The following MYO3A variants were observed in gnomAD, a reference collection of about 807,000 sequenced individuals.
The protein encoded by MYO3A is myosin-IIIa.
MYO3A carries 180 observed loss-of-function variants against 192.7 expected under a neutral mutation model. The ratio of observed to expected loss-of-function variants is 0.93; its 90% CI spans 0.83 to 1.06. The LOEUF (loss-of-function observed/expected upper bound fraction) is 1.06. MYO3A is among the 50% of genes least tolerant of loss of function. The pLI is 0.00. For synonymous variants in MYO3A, 628 were observed against 645.3 expected (o/e 0.97, Z 0.41); for missense variants, 1,896 against 1,905.0 (o/e 1.00, Z 0.09).
chr10:26,052,902 T>C (rs975814500), intron 10 of MYO3A, among the ~76,000 whole-genome samples: 3 of 152,134 alleles, frequency 2.0e-5, no homozygotes, highest in Non-Finnish European at 4.4e-5. Flanking sequence ...ATTTGTGACC[T>C]TTGACAACAC....
At chr10:26,065,159 C>T (rs543265277) in intron 10 of MYO3A, among the ~76,000 whole-genome samples, 1 of 152,138 alleles carries the variant, frequency 6.6e-6, no homozygotes, top group Non-Finnish European at 1.5e-5. Context: ...TCAAGAACGC[C>T]TTTGTTAAAT....
Position 26,176,811 on chromosome 10 carries a change from T to C in MYO3A, c.4404T>C (p.Ile1468=), listed in dbSNP as rs1842359912. Residue 1468 remains isoleucine, a synonymous_variant, in exon 31 of 35, where the codon ATT becomes ATC. Transcript: ENST00000642920. ...LYLGVSHHKP[I]NRRVSSQQCL... ...TGGGTGTCTCGCACCATAAGCCAAT[T>C]AATAGACGAGTTTCTTCTCAGCAGT... is the stretch of plus-strand genomic sequence containing the variant. The C allele has an allele frequency of 6.2e-7, 1 of 1,614,020 alleles. No individual in the cohort carries two copies. The highest frequency in any genetic ancestry group is 1.7e-5 in the Admixed American group (1 of 60,002).
chr10:26,125,337 T>A, intron 18 of MYO3A, 61 bp from the exon 19 acceptor site: 1 of 1,483,272 alleles, frequency 6.7e-7, no homozygotes, highest in African/African-American at 1.4e-5. Flanking sequence ...GACATTTTCA[T>A]TTTTGGGGAG....
intron 21 of MYO3A, among the ~76,000 whole-genome samples, chr10:26,144,422 ATTGGCT>A (rs1374677489): frequency 6.6e-6 from 1 of 151,416 alleles, no homozygotes; most frequent in African/African-American, 2.4e-5. Context: ...TGACTCACTG[ATTGGCT>A]TAATTTCTCC....
At chr10:26,151,970 C>T (rs1259570415) in intron 23 of MYO3A, among the ~76,000 whole-genome samples, 1 of 152,158 alleles carries the variant, frequency 6.6e-6, no homozygotes, top group Non-Finnish European at 1.5e-5. Flanking sequence ...CTTTATCTGA[C>T]CCAGAAGCAA....
chr10:26,075,726 GAT>G (rs1043259405), intron 14 of MYO3A, among the ~76,000 whole-genome samples: 6 of 128,764 alleles, frequency 4.7e-5, no homozygotes, highest in African/African-American at 1.8e-4. Flanking sequence ...ATATATATAT[GAT>G]ATATATGTCT....
At chr10:26,156,860 A>G (rs1841162661) in intron 25 of MYO3A, among the ~76,000 whole-genome samples, 4 of 152,312 alleles carry the variant, frequency 2.6e-5, no homozygotes, top group Admixed American at 1.3e-4. Context: ...CCACCCTCCA[A>G]TAAGCTCCAG....
chr10:25,972,906 G>T (rs1162456474), intron 4 of MYO3A, among the ~76,000 whole-genome samples: 1 of 152,128 alleles, frequency 6.6e-6, no homozygotes, highest in African/African-American at 2.4e-5. Context: ...CAATTAAGTT[G>T]CAGACTCCTT....
intron 10 of MYO3A, among the ~76,000 whole-genome samples, chr10:26,048,359 T>C (rs1308391358): frequency 6.6e-6 from 1 of 152,142 alleles, no homozygotes; most frequent in Non-Finnish European, 1.5e-5. Context: ...CAGCTTGTTT[T>C]TTTTTTTTAA....
intron 26 of MYO3A, among the ~76,000 whole-genome samples, chr10:26,158,404 C>T (rs540156678): frequency 1.3e-5 from 2 of 152,022 alleles, no homozygotes; most frequent in East Asian, 3.9e-4. Context: ...AGGTGCCCAC[C>T]ACCATGCCCA....
chr10:26,035,975 C>A (rs1457398336), intron 10 of MYO3A, among the ~76,000 whole-genome samples: 2 of 152,000 alleles, frequency 1.3e-5, no homozygotes, highest in African/African-American at 4.8e-5. Context: ...CGGCTGTCGC[C>A]CAGGCTGGAG....
intron 10 of MYO3A, among the ~76,000 whole-genome samples, chr10:26,046,663 A>G (rs999797381): frequency 3.3e-5 from 5 of 152,246 alleles, no homozygotes; most frequent in African/African-American, 1.2e-4. Context: ...CAGTAGAGTT[A>G]AAAGCTATCC....
At chr10:26,036,654 G>A (rs141225848) in intron 10 of MYO3A, among the ~76,000 whole-genome samples, 110 of 152,120 alleles carry the variant, frequency 7.2e-4, no homozygotes, top group Non-Finnish European at 1.3e-3. Context: ...ATGACAAGTC[G>A]CCAGTGGCTC....
chr10:26,125,383 C>G lies in MYO3A; in HGVS notation c.1904-15C>G. On this transcript the variant is annotated splice_polypyrimidine_tract_variant and intron_variant, in intron 18 of 34. Transcript: ENST00000642920. ...GCCATAATTTCTTCTAACAATGCAT[C>G]TGTTTGTTTTTCAGGTGCTTCTTTG... 3 of 1,613,284 alleles carry G rather than the reference C, an allele frequency of 1.9e-6. No homozygotes were observed. The highest frequency in any genetic ancestry group is 1.3e-5 in the African/African-American group (1 of 75,042).
intron 10 of MYO3A, among the ~76,000 whole-genome samples, chr10:26,051,208 C>T (rs1843978591): frequency 6.6e-6 from 1 of 152,058 alleles, no homozygotes; most frequent in East Asian, 1.9e-4. Flanking sequence ...CCTTAAACAT[C>T]ACGTAATATT....
intron 30 of MYO3A, among the ~76,000 whole-genome samples, chr10:26,176,340 A>G (rs1336158304): frequency 6.6e-6 from 1 of 152,144 alleles, no homozygotes; most frequent in African/African-American, 2.4e-5. Context: ...GGTTTACACA[A>G]TCAAAGGCAG....
chr10:26,156,094 CT>C lies in MYO3A; in HGVS notation c.2794-1215del, dbSNP rs1306788403. ...GAAGGTCCTGCTTAGAGTATCACCC[CT>C]GTACCACCAGTACTTGGCAGATGTT... On this transcript the variant is annotated intron_variant, in intron 25 of 34. Transcript: ENST00000642920. Among the ~76,000 whole-genome samples, 6 of 152,188 alleles carry C rather than the reference CT, an allele frequency of 3.9e-5. No individual in the cohort carries two copies. The East Asian group carries it at 1.2e-3, about 29-fold the overall frequency.
At chr10:26,025,323 T>A (rs546580207) in intron 9 of MYO3A, among the ~76,000 whole-genome samples, 76 of 99,792 alleles carry the variant, frequency 7.6e-4, no homozygotes, top group Non-Finnish European at 1.6e-3. Flanking sequence ...TTTTTATGCT[T>A]TTTTTCTTTT....
intron 4 of MYO3A, among the ~76,000 whole-genome samples, chr10:25,990,402 T>C (rs551493457): frequency 4.9e-4 from 75 of 152,302 alleles, no homozygotes; most frequent in African/African-American, 1.8e-3. Context: ...TTGATTAAAC[T>C]ATCATAAATC....
Sources: gnomAD v4.1 joint callset for allele counts (sites outside exome capture counted in the v4.1 genomes callset) on GRCh38, gnomAD v4.1.1 for gene constraint, MANE v1.5 for transcripts, NCBI Gene and HGNC (gene_info 2026-07-23, HGNC 2026-07-21) for gene names.